The following ACSL4 variants were observed in gnomAD, a reference collection of about 807,000 sequenced individuals.
The protein encoded by ACSL4 is acyl-CoA synthetase long chain family member 4, also known as long-chain-fatty-acid--CoA ligase 4.
A neutral mutation model predicts 49.1 loss-of-function variants in ACSL4; 9 were observed. The ratio of observed to expected loss-of-function variants is 0.18; its 90% CI spans 0.11 to 0.32. The LOEUF (loss-of-function observed/expected upper bound fraction) is 0.32, where lower values mean the gene tolerates loss of function less well. ACSL4 is among the 10% of genes least tolerant of loss of function. ACSL4 has a pLI of 1.00. For missense variants in ACSL4, 333 were observed against 493.7 expected (o/e 0.67, Z 3.08); for synonymous variants, 191 against 170.3 (o/e 1.12, Z -0.95).
At position 109,684,109 on chromosome X, in the gene ACSL4, G is replaced by C. The variant is rs182238294; in HGVS notation, c.-12-734C>G. Among the ~76,000 whole-genome samples the C allele has an allele frequency of 2.0e-3, 227 of 111,199 alleles. 1 individual carries two copies. The highest frequency in any genetic ancestry group is 6.7e-3 in the African/African-American group (205 of 30,610). ...AATAGTGTTAGGTTTATATCCAAAG[G>C]GGGGGGTGGGGCAGAAACTATCAAC... On this transcript the variant is annotated intron_variant, in intron 2 of 15. Transcript: ENST00000672401.
In ACSL4 at chrX:109,663,347, T is replaced by C; in HGVS notation, c.1446A>G (p.Gly482=). 8.3e-7 allele frequency: 1 copy of C among 1,210,660 alleles called. No homozygotes were observed. The highest frequency in any genetic ancestry group is 1.8e-5 in the South Asian group (1 of 56,952). ...TAAAATATCCCATGGAGATGTTCTG[T>C]CCACCAATTACGATTTCACCTCTGG... The part of the protein sequence containing the change: ...PNPRGEIVIG[G]QNISMGYFKN... The change falls in exon 13 of 16, where the codon GGA becomes GGG. Residue 482 remains glycine (G), a synonymous_variant. Coordinates refer to ENST00000672401, the MANE Select transcript of ACSL4 (RefSeq NM_001318510.2).
intron 9 of ACSL4, among the ~76,000 whole-genome samples, chrX:109,671,318 C>T (rs956452595): frequency 9.9e-5 from 11 of 111,631 alleles, no homozygotes; most frequent in African/African-American, 3.6e-4. Context: ...CCCGCCGCCG[C>T]CCCGTCTGGG....
intron 2 of ACSL4, among the ~76,000 whole-genome samples, chrX:109,685,088 C>CTTTTTT (rs1203140186): frequency 3.9e-5 from 3 of 77,441 alleles, no homozygotes; most frequent in East Asian, 4.1e-4. Flanking sequence ...TCTTTTCTTT[C>CTTTTTT]TTTTTTTTTT....
intron 15 of ACSL4, among the ~76,000 whole-genome samples, chrX:109,648,460 GACAAAAT>G (rs1335786483): frequency 9.0e-6 from 1 of 111,194 alleles, no homozygotes; most frequent in African/African-American, 3.3e-5. Flanking sequence ...AAAGGCCTTT[GACAAAAT>G]TCAACAACGC....
chrX:109,677,950 A>G (rs1923856155), intron 8 of ACSL4, 38 bp downstream of exon 8: 1 of 1,207,736 alleles, frequency 8.3e-7, no homozygotes, highest in Non-Finnish European at 1.1e-6. Flanking sequence ...ACCATGCAGC[A>G]TCATACGATC....
chrX:109,730,482 G>T (rs961581659), intron 1 of ACSL4, among the ~76,000 whole-genome samples: 5 of 111,642 alleles, frequency 4.5e-5, no homozygotes, highest in Non-Finnish European at 9.4e-5. Flanking sequence ...GACTGTTGTT[G>T]TTTTTAACAA....
At chrX:109,692,393 T>C (rs1925105517) in intron 2 of ACSL4, among the ~76,000 whole-genome samples, 1 of 112,329 alleles carries the variant, frequency 8.9e-6, no homozygotes, top group Non-Finnish European at 1.9e-5. Context: ...GAATTGGTTG[T>C]ATATAATTTA....
chrX:109,653,827 G>A (rs1921389057), intron 15 of ACSL4, among the ~76,000 whole-genome samples: 1 of 108,767 alleles, frequency 9.2e-6, no homozygotes, highest in Non-Finnish European at 1.9e-5. Flanking sequence ...AAGGGGGAGG[G>A]ATAGCATTAG....
In ACSL4 at chrX:109,670,859, G is replaced by A. The variant is rs183785897; in HGVS notation, c.1003-1686C>T. Reference sequence around the variant, plus strand: ...CCAGGCTGGTCTCCAGCTCCTGACCGTGAGTGATCTGCCAGCCTCGGCCTC... The same window carrying A: ...CCAGGCTGGTCTCCAGCTCCTGACCATGAGTGATCTGCCAGCCTCGGCCTC... On this transcript the variant is annotated intron_variant, in intron 9 of 15. Coordinates refer to ENST00000672401, the MANE Select transcript of ACSL4 (RefSeq NM_001318510.2). Among the ~76,000 whole-genome samples the A allele has an allele frequency of 7.0e-3, 785 of 112,694 alleles. 10 individuals are homozygous for A. The highest frequency in any genetic ancestry group is 0.024 in the African/African-American group (734 of 31,106).
Position 109,661,663 on chromosome X carries a change from A to G in ACSL4, c.1583-18T>C. ...CTTACGATCTGTTAAGTCATAAAGA[A>G]TGTTAAGTCTGTTTAACTAAGGTAT... On this transcript the variant is annotated intron_variant, in intron 13 of 15. Transcript: ENST00000672401. The G allele has an allele frequency of 9.2e-7, 1 of 1,082,853 alleles. No homozygotes were observed. Among genetic ancestry groups the G allele is most frequent in the African/African-American group, 1.8e-5 (1 of 55,401 alleles). 89.2% of individuals were successfully genotyped at this position (1,082,853 alleles called of 1,213,427 possible).
Position 109,660,314 on chromosome X carries a change from A to C in ACSL4, c.1698-803T>G, listed in dbSNP as rs977227563. On this transcript the variant is annotated intron_variant, in intron 14 of 15. Transcript: ENST00000672401. ...ACATTTCTCCAGCGATAATATATGA[A>C]TGGCCAACAATCATAGGAAAAGGTG... 2.7e-5 allele frequency among the ~76,000 whole-genome samples: 3 copies of C among 111,800 alleles called. No homozygotes were observed. The Admixed American group carries it at 2.8e-4, about 11-fold the overall frequency.
intron 1 of ACSL4, among the ~76,000 whole-genome samples, chrX:109,725,086 G>GT (rs1299599738): frequency 9.3e-6 from 1 of 107,530 alleles, no homozygotes; most frequent in African/African-American, 3.4e-5. Context: ...GTTTTGTTTT[G>GT]TTTTTTTATT....
chrX:109,663,667 T>A (rs1249498636), intron 12 of ACSL4, among the ~76,000 whole-genome samples: 1 of 111,132 alleles, frequency 9.0e-6, no homozygotes, highest in Non-Finnish European at 1.9e-5. Context: ...TAGAACACCA[T>A]TAGAGCTTAG....
chrX:109,692,271 C>T (rs1301358306), intron 2 of ACSL4: 1 of 111,566 alleles, frequency 9.0e-6, no homozygotes, highest in Non-Finnish European at 1.9e-5. Context: ...CTCTAGGAGT[C>T]AATGTTGATG....
intron 2 of ACSL4, among the ~76,000 whole-genome samples, chrX:109,692,336 T>C (rs1194263665): frequency 8.9e-6 from 1 of 111,924 alleles, no homozygotes; most frequent in Non-Finnish European, 1.9e-5. Context: ...TCATTTTAAG[T>C]GATCAAGATA....
Position 109,678,366 on chromosome X carries a change from C to G in ACSL4, c.705G>C (p.Met235Ile). ...GTCGGCCAGTAGAACCACTAGTATACATAACAATGGCCATGTCTGAAGGCG... is the reference window on the plus strand; with the variant it reads ...GTCGGCCAGTAGAACCACTAGTATAGATAACAATGGCCATGTCTGAAGGCG... ...RPTPSDMAIV[M>I]YTSGSTGRPK... Residue 235 changes from methionine to isoleucine, a missense_variant, in exon 7 of 16, where the codon ATG becomes ATC. Met to Ile is a conservative substitution (Grantham distance 10, BLOSUM62 1). This residue lies in a region of ACSL4 where 157 missense variants were observed against 201.1 expected (regional missense o/e 0.78). Coordinates refer to ENST00000672401, the MANE Select transcript of ACSL4 (RefSeq NM_001318510.2). 1 of 1,211,841 alleles carries G rather than the reference C, an allele frequency of 8.3e-7. No individual in the cohort carries two copies.
chrX:109,643,388 T>C lies in ACSL4; in HGVS notation c.*641A>G, dbSNP rs980922380. On this transcript the variant is annotated 3_prime_UTR_variant, in exon 16 of 16. Coordinates refer to ENST00000672401, the MANE Select transcript of ACSL4 (RefSeq NM_001318510.2). ...CTTTAAATATATTACTAGATATTTTTTGGTGTTGTATATGTTGTTCTATTC... is the reference window on the plus strand; with the variant it reads ...CTTTAAATATATTACTAGATATTTTCTGGTGTTGTATATGTTGTTCTATTC... 1 of 112,262 alleles carries C rather than the reference T, an allele frequency of 8.9e-6. No homozygotes were observed. Among genetic ancestry groups the C allele is most frequent in the Admixed American group, 9.5e-5 (1 of 10,512 alleles). 9.3% of individuals were successfully genotyped at this position (112,262 alleles called of 1,213,427 possible). A position where few individuals can be genotyped will look rare whatever the true frequency, so the allele number is the denominator to read the frequency against.
chrX:109,648,415 G>A (rs1250397275), intron 15 of ACSL4, among the ~76,000 whole-genome samples: 73 of 111,551 alleles, frequency 6.5e-4, no homozygotes, highest in African/African-American at 2.4e-3. Context: ...CAGAACCAAA[G>A]ACAAAAACCA....
chrX:109,699,438 T>C (rs1925702861), intron 1 of ACSL4, among the ~76,000 whole-genome samples: 1 of 112,454 alleles, frequency 8.9e-6, no homozygotes. Context: ...TTCAAAACAA[T>C]TCCCTAAACA....
Sources: gnomAD v4.1 joint callset for allele counts (sites outside exome capture counted in the v4.1 genomes callset) on GRCh38, gnomAD v4.1.1 for gene constraint, gnomAD v4.1.1 regional missense constraint, MANE v1.5 for transcripts, NCBI Gene and HGNC (gene_info 2026-07-23, HGNC 2026-07-21) for gene names.